Variants in KCTD16 observed in about 807,000 individuals in gnomAD.
KCTD16 encodes the protein potassium channel tetramerization domain containing 16, also known as BTB/POZ domain-containing protein KCTD16.
Under a neutral mutation model 33.2 loss-of-function variants are expected in KCTD16, and 13 were observed. The ratio of observed to expected loss-of-function variants is 0.39; its 90% CI spans 0.25 to 0.62. The LOEUF is 0.62. Ranked by LOEUF, KCTD16 falls within the 20% of genes least tolerant of loss-of-function variation. The probability of loss-of-function intolerance (pLI) is 0.50; values close to 1 mark genes in which losing one functional copy is unlikely to be tolerated. For synonymous variants in KCTD16, 197 were observed against 195.3 expected, an observed-to-expected ratio of 1.01 and a Z score of -0.07; for missense variants, 441 against 525.1, an observed-to-expected ratio of 0.84 and a Z score of 1.57.
Position 144,174,473 on chromosome 5 carries a change from G to A in KCTD16, c.-327+1G>A, listed in dbSNP as rs892221354. 1 of 152,174 alleles carries A rather than the reference G, an allele frequency of 6.6e-6. No individual in the cohort carries two copies. Among genetic ancestry groups the A allele is most frequent in the African/African-American group, 2.4e-5 (1 of 41,446 alleles). The allele number at this position is 152,174 out of a possible 1,614,324, so 9.4% of individuals were successfully genotyped here. On this transcript the variant is annotated splice_donor_variant, in intron 2 of 3. Coordinates refer to ENST00000512467, the MANE Select transcript of KCTD16 (RefSeq NM_020768.4). LOFTEE classifies it low-confidence loss of function (5UTR_SPLICE). ...CCTGACAATAATGGTAAAAACCAAT[G>A]TAAGTGCCAGTGTTTGTTTTTACTC...
intron 3 of KCTD16, among the ~76,000 whole-genome samples, chr5:144,463,232 GT>G (rs1409294077): frequency 6.6e-6 from 1 of 152,108 alleles, no homozygotes; most frequent in African/African-American, 2.4e-5. Flanking sequence ...ATAGATATTA[GT>G]TAAGTGATAT....
intron 3 of KCTD16, among the ~76,000 whole-genome samples, chr5:144,245,400 T>G (rs1007162905): frequency 6.6e-6 from 1 of 152,122 alleles, no homozygotes; most frequent in African/African-American, 2.4e-5. Context: ...CGACTTTAAG[T>G]ATAGGAGTTA....
At chr5:144,445,338 G>A (rs1753797212) in intron 3 of KCTD16, among the ~76,000 whole-genome samples, 1 of 151,820 alleles carries the variant, frequency 6.6e-6, no homozygotes, top group South Asian at 2.1e-4. Flanking sequence ...TCCATGTTTT[G>A]TATCAATTCT....
intron 3 of KCTD16, among the ~76,000 whole-genome samples, chr5:144,301,207 C>T (rs1751428541): frequency 7.1e-6 from 1 of 140,156 alleles, no homozygotes; most frequent in East Asian, 2.1e-4. Flanking sequence ...CACCATTGCA[C>T]TCAAACCTGG....
intron 3 of KCTD16, among the ~76,000 whole-genome samples, chr5:144,470,452 G>C (rs1310086536): frequency 6.6e-6 from 1 of 152,212 alleles, no homozygotes; most frequent in African/African-American, 2.4e-5. Context: ...CAGTTGGGCT[G>C]TAGTACTATT....
At chr5:144,240,717 C>A (rs2126821275) in intron 3 of KCTD16, among the ~76,000 whole-genome samples, 1 of 152,238 alleles carries the variant, frequency 6.6e-6, no homozygotes, top group Non-Finnish European at 1.5e-5. Flanking sequence ...TCTTATCTCT[C>A]AGGACCTTGA....
chr5:144,330,126 A>G (rs1702814001), intron 3 of KCTD16, among the ~76,000 whole-genome samples: 2 of 152,246 alleles, frequency 1.3e-5, no homozygotes, highest in East Asian at 3.9e-4. Flanking sequence ...AAAAGAAGAC[A>G]TCTAGGCCAG....
At chr5:144,304,952 T>A (rs1025109738) in intron 3 of KCTD16, among the ~76,000 whole-genome samples, 8 of 147,322 alleles carry the variant, frequency 5.4e-5, no homozygotes, top group African/African-American at 2.0e-4. Context: ...AACAGAAACC[T>A]CGAAGCCACT....
At chr5:144,243,584 T>G (rs2126823794) in intron 3 of KCTD16, among the ~76,000 whole-genome samples, 1 of 152,240 alleles carries the variant, frequency 6.6e-6, no homozygotes, top group South Asian at 2.1e-4. Flanking sequence ...TTGAAAAAAC[T>G]TCAGAGTAAA....
chr5:144,285,295 C>G (rs1755714615), intron 3 of KCTD16, among the ~76,000 whole-genome samples: 1 of 152,198 alleles, frequency 6.6e-6, no homozygotes, highest in Admixed American at 6.5e-5. Context: ...AACAATGACA[C>G]AAATGCTTGA....
intron 3 of KCTD16, among the ~76,000 whole-genome samples, chr5:144,304,534 A>G (rs372139872): frequency 2.6e-5 from 4 of 152,074 alleles, no homozygotes; most frequent in Non-Finnish European, 5.9e-5. Context: ...ATTACGCTTC[A>G]CAGACAGGTT....
At chr5:144,449,666 A>G (rs953517539) in intron 3 of KCTD16, among the ~76,000 whole-genome samples, 1 of 152,018 alleles carries the variant, frequency 6.6e-6, no homozygotes, top group Non-Finnish European at 1.5e-5. Flanking sequence ...TAAAAATAAT[A>G]GAGAACCTAG....
chr5:144,184,501 G>A (rs1752686954), intron 2 of KCTD16, among the ~76,000 whole-genome samples: 1 of 152,114 alleles, frequency 6.6e-6, no homozygotes, highest in Admixed American at 6.5e-5. Flanking sequence ...TTGAGACCCT[G>A]ATTTCAATTC....
chr5:144,212,335 A>G (rs1385762549), intron 3 of KCTD16, among the ~76,000 whole-genome samples: 3 of 152,192 alleles, frequency 2.0e-5, no homozygotes, highest in African/African-American at 7.2e-5. Context: ...ACCTGAGCCC[A>G]GTCCCTTGTA....
At chr5:144,261,157 G>A (rs1190533754) in intron 3 of KCTD16, among the ~76,000 whole-genome samples, 2 of 136,394 alleles carry the variant, frequency 1.5e-5, no homozygotes, top group Admixed American at 7.5e-5. Context: ...CAGCTCTTTG[G>A]GAACAACAAC....
Position 144,234,741 on chromosome 5 carries a change from C to T in KCTD16, c.832+27195C>T, listed in dbSNP as rs368784058. Among the ~76,000 whole-genome samples the T allele has an allele frequency of 3.3e-5, 5 of 152,058 alleles. No homozygotes were observed. In the East Asian group the frequency reaches 9.7e-4, roughly 29 times the overall value. ...GGAAAACACTTGGTAAACTATAAAG[C>T]ATTGTATGAAAGAGTTGTATATATT... On this transcript the variant is annotated intron_variant, in intron 3 of 3. Transcript: ENST00000512467.
intron 3 of KCTD16, among the ~76,000 whole-genome samples, chr5:144,299,662 T>C (rs1308734977): frequency 6.6e-6 from 1 of 152,128 alleles, no homozygotes; most frequent in African/African-American, 2.4e-5. Flanking sequence ...ATTATTACTT[T>C]CATTTTATTG....
At chr5:144,417,165 G>C (rs1417877583) in intron 3 of KCTD16, among the ~76,000 whole-genome samples, 2 of 152,070 alleles carry the variant, frequency 1.3e-5, no homozygotes, top group Non-Finnish European at 2.9e-5. Context: ...AACTTTCTGA[G>C]GAACCACCAA....
chr5:144,401,297 A>G (rs1459456924), intron 3 of KCTD16, among the ~76,000 whole-genome samples: 2 of 152,200 alleles, frequency 1.3e-5, no homozygotes, highest in African/African-American at 4.8e-5. Flanking sequence ...ATAACTATTG[A>G]TAACTAAAAG....
Sources: gnomAD v4.1 joint callset for allele counts (sites outside exome capture counted in the v4.1 genomes callset) on GRCh38, gnomAD v4.1.1 for gene constraint, MANE v1.5 for transcripts, NCBI Gene and HGNC (gene_info 2026-07-23, HGNC 2026-07-21) for gene names.